The following RSBN1L variants were observed in gnomAD, a reference collection of about 807,000 sequenced individuals.
The protein encoded by RSBN1L is lysine-specific demethylase RSBN1L.
RSBN1L carries 30 observed loss-of-function variants against 67.7 expected under a neutral mutation model. That is an observed-to-expected ratio of 0.44 (90% CI 0.33 to 0.60). RSBN1L has a LOEUF of 0.60. Among genes scored for constraint, RSBN1L ranks in the 20% least tolerant of loss-of-function variants. The pLI is 0.02. For missense variants in RSBN1L, 992 were observed against 1,031.7 expected (o/e 0.96, Z 0.53); for synonymous variants, 433 against 387.0 (o/e 1.12, Z -1.39).
chr7:77,721,069 A>T (rs1348654126), intron 1 of RSBN1L, among the ~76,000 whole-genome samples: 1 of 151,854 alleles, frequency 6.6e-6, no homozygotes, highest in Admixed American at 6.6e-5. Flanking sequence ...TGTGGATTTA[A>T]CACTTATTTA....
In RSBN1L at chr7:77,696,935, A is replaced by G. The variant is rs1396364875; in HGVS notation, c.466A>G (p.Lys156Glu). Residue 156 changes from lysine to glutamate, a missense_variant, in exon 1 of 8, where the codon AAG (lysine) becomes GAG (glutamate). By Grantham distance (56) the Lys-to-Glu change is moderately conservative (BLOSUM62 1). Transcript: ENST00000334955. ...CGCCGCCGCTGCCTCGGCTAACGCC[A>G]AGTCGCGCAGACCTAAGGAGAAGCG... ...AAAAAASANA[K>E]SRRPKEKREK... 6 of 1,599,336 alleles carry G rather than the reference A, an allele frequency of 3.8e-6. No individual in the cohort carries two copies. Among genetic ancestry groups the G allele is most frequent in the Middle Eastern group, 3.3e-4 (2 of 6,002 alleles).
chr7:77,709,461 TG>T (rs1158607408), intron 1 of RSBN1L, among the ~76,000 whole-genome samples: 1 of 152,048 alleles, frequency 6.6e-6, no homozygotes, highest in Non-Finnish European at 1.5e-5. Context: ...GGCTAATTTT[TG>T]TATTTTTAGT....
At chr7:77,699,361 A>G (rs145024076) in intron 1 of RSBN1L, among the ~76,000 whole-genome samples, 15 of 152,336 alleles carry the variant, frequency 9.8e-5, no homozygotes, top group African/African-American at 2.4e-4. Context: ...TGATTAAACA[A>G]TTAAGCTCCT....
chr7:77,750,710 C>T (rs1211358292), intron 3 of RSBN1L, among the ~76,000 whole-genome samples: 3 of 152,082 alleles, frequency 2.0e-5, no homozygotes, highest in Non-Finnish European at 4.4e-5. Context: ...CAGATTGGGA[C>T]TGTTTAGTCT....
intron 2 of RSBN1L, among the ~76,000 whole-genome samples, chr7:77,742,322 G>C (rs747188940): frequency 3.3e-5 from 5 of 151,930 alleles, no homozygotes; most frequent in African/African-American, 4.8e-5. Flanking sequence ...AAAGAAACTA[G>C]GCACAAGTTT....
chr7:77,732,978 G>C (rs949923896), intron 1 of RSBN1L, among the ~76,000 whole-genome samples: 4 of 152,066 alleles, frequency 2.6e-5, no homozygotes, highest in African/African-American at 9.7e-5. Context: ...ATGACTACAG[G>C]AAGTTTAATG....
intron 1 of RSBN1L, among the ~76,000 whole-genome samples, chr7:77,720,878 T>TC (rs1562796961): frequency 6.8e-6 from 1 of 147,106 alleles, no homozygotes; most frequent in African/African-American, 2.5e-5. Context: ...TCCCTCAGCC[T>TC]CCTGAGTAGC....
chr7:77,728,742 C>T (rs1010006192), intron 1 of RSBN1L, among the ~76,000 whole-genome samples: 1 of 152,212 alleles, frequency 6.6e-6, no homozygotes, highest in Non-Finnish European at 1.5e-5. Flanking sequence ...CTCATTCTTA[C>T]TTTTTCTAAT....
intron 1 of RSBN1L, among the ~76,000 whole-genome samples, chr7:77,703,591 C>T (rs1021763714): frequency 7.1e-6 from 1 of 141,234 alleles, no homozygotes; most frequent in Non-Finnish European, 1.5e-5. Context: ...CAAGTTCAAG[C>T]GATTCTCCTG....
Position 77,749,500 on chromosome 7 carries a change from CAAAG to C in RSBN1L, c.782_785del (p.Lys261ArgfsTer23), listed in dbSNP as rs1791525260. 6.2e-7 allele frequency: 1 copy of C among 1,603,064 alleles called. No individual in the cohort carries two copies. Among genetic ancestry groups the C allele is most frequent in the Admixed American group, 1.7e-5 (1 of 57,300 alleles). The stretch of plus-strand genomic sequence containing the variant: ...TAAAGAAGAAAAAGAAAAAGAAACA[CAAAG>C]AGAATGAAAAACGGAAGCGTCCGAA... On this transcript the variant is annotated frameshift_variant, in exon 3 of 8. Coordinates refer to ENST00000334955, the MANE Select transcript of RSBN1L (RefSeq NM_198467.3). LOFTEE classifies it high-confidence loss of function.
intron 1 of RSBN1L, among the ~76,000 whole-genome samples, chr7:77,703,476 G>GTTTTTTTTT (rs1562792479): frequency 4.9e-5 from 5 of 101,530 alleles, no homozygotes; most frequent in African/African-American, 1.8e-4. Context: ...CTACTGTTTG[G>GTTTTTTTTT]GTTTTTTTTT....
chr7:77,738,575 A>G (rs893300037), intron 2 of RSBN1L, among the ~76,000 whole-genome samples: 1 of 152,220 alleles, frequency 6.6e-6, no homozygotes, highest in Admixed American at 6.5e-5. Flanking sequence ...TCTGGCTCAC[A>G]GGTACTTACT....
At chr7:77,771,995 A>G (rs185934998) in intron 5 of RSBN1L, among the ~76,000 whole-genome samples, 1 of 152,240 alleles carries the variant, frequency 6.6e-6, no homozygotes. Context: ...ATATATGATA[A>G]TAATAGTCTA....
intron 1 of RSBN1L, among the ~76,000 whole-genome samples, chr7:77,701,487 G>T (rs1790817493): frequency 6.6e-6 from 1 of 151,972 alleles, no homozygotes. Context: ...TTCCCTTATT[G>T]CCTGGTTCCC....
intron 1 of RSBN1L, among the ~76,000 whole-genome samples, chr7:77,712,730 T>A (rs1790991868): frequency 6.6e-6 from 1 of 152,258 alleles, no homozygotes; most frequent in African/African-American, 2.4e-5. Context: ...CATGTTTGCA[T>A]TATATGTATA....
At chr7:77,724,592 A>T (rs143188641) in intron 1 of RSBN1L, among the ~76,000 whole-genome samples, 1 of 150,822 alleles carries the variant, frequency 6.6e-6, no homozygotes, top group African/African-American at 2.4e-5. Context: ...TGCCCAGCTA[A>T]TTTTTGTATT....
At chr7:77,721,049 T>C (rs1021514513) in intron 1 of RSBN1L, among the ~76,000 whole-genome samples, 3 of 152,204 alleles carry the variant, frequency 2.0e-5, no homozygotes, top group African/African-American at 7.2e-5. Context: ...GCCTACTGCT[T>C]TTTTTCTTAT....
Position 77,780,162 on chromosome 7 carries a change from TAAG to T in RSBN1L, c.*997_*999del, listed in dbSNP as rs1467563962. On this transcript the variant is annotated 3_prime_UTR_variant, in exon 8 of 8. Coordinates refer to ENST00000334955, the MANE Select transcript of RSBN1L (RefSeq NM_198467.3). ...GCATTTTTAACAACCAAGACTCAGT[TAAG>T]AAAGTGTGCATCTGCGTGTGTGTGA... is the stretch of plus-strand genomic sequence containing the variant. The T allele has an allele frequency of 6.6e-6, 1 of 152,016 alleles. No homozygotes were observed. The highest frequency in any genetic ancestry group is 2.4e-5 in the African/African-American group (1 of 41,412). The allele number at this position is 152,016 out of a possible 1,614,324, so 9.4% of individuals were successfully genotyped here.
At chr7:77,760,012 G>T (rs1179738823) in intron 3 of RSBN1L, among the ~76,000 whole-genome samples, 2 of 152,046 alleles carry the variant, frequency 1.3e-5, no homozygotes, top group Non-Finnish European at 2.9e-5. Context: ...GTTCTTTGGG[G>T]TTTTTTAAAA....
Sources: allele counts gnomAD v4.1 joint callset (sites outside exome capture counted in the v4.1 genomes callset), GRCh38; gene constraint gnomAD v4.1.1; transcripts MANE v1.5; gene names NCBI Gene and HGNC (gene_info 2026-07-23, HGNC 2026-07-21).